DIAPH2: variants seen among roughly 807,000 people sequenced by gnomAD.
DIAPH2 encodes the protein protein diaphanous homolog 2.
In DIAPH2, 35 loss-of-function variants were observed where a neutral mutation model predicts 92.7. That is an observed-to-expected ratio of 0.38 (90% CI 0.29 to 0.50). The LOEUF (loss-of-function observed/expected upper bound fraction) is 0.50. Ranked by LOEUF, DIAPH2 falls within the 20% of genes least tolerant of loss-of-function variation. The pLI, the probability that DIAPH2 is intolerant of heterozygous loss-of-function variation, is 0.94. For synonymous variants in DIAPH2, 301 were observed against 280.4 expected (o/e 1.07, Z -0.73); for missense variants, 701 against 819.5 (o/e 0.86, Z 1.77).
intron 4 of DIAPH2, among the ~76,000 whole-genome samples, chrX:96,812,071 A>T (rs1172471470): frequency 2.7e-5 from 3 of 111,702 alleles, no homozygotes; most frequent in African/African-American, 9.8e-5. Flanking sequence ...GTTTCTATTG[A>T]TTGGAATAGT....
intron 14 of DIAPH2, among the ~76,000 whole-genome samples, chrX:96,948,054 G>GA (rs2065749071): frequency 8.9e-6 from 1 of 111,852 alleles, no homozygotes; most frequent in Admixed American, 9.4e-5. Context: ...TTAACCATCT[G>GA]AATGAGACTG....
chrX:97,289,728 T>C (rs777528119), intron 23 of DIAPH2, among the ~76,000 whole-genome samples: 1 of 110,364 alleles, frequency 9.1e-6, no homozygotes, highest in Admixed American at 9.8e-5. Context: ...TTTTTTTTTT[T>C]TTGGTTTGTT....
At chrX:96,970,494 A>G (rs1478760199) in intron 17 of DIAPH2, among the ~76,000 whole-genome samples, 1 of 111,128 alleles carries the variant, frequency 9.0e-6, no homozygotes, top group Non-Finnish European at 1.9e-5. Context: ...CCAGGAATTT[A>G]TCTATCTCCT....
chrX:97,415,014 A>G (rs1428279589), intron 25 of DIAPH2, among the ~76,000 whole-genome samples: 1 of 111,903 alleles, frequency 8.9e-6, no homozygotes, highest in Non-Finnish European at 1.9e-5. Context: ...TTACAAGAAA[A>G]AAACAACCCC....
intron 4 of DIAPH2, among the ~76,000 whole-genome samples, chrX:96,876,080 C>G (rs1054678704): frequency 8.9e-6 from 1 of 111,738 alleles, no homozygotes; most frequent in Non-Finnish European, 1.9e-5. Flanking sequence ...AAAAACAACT[C>G]CATCAACAAG....
intron 26 of DIAPH2, among the ~76,000 whole-genome samples, chrX:97,500,214 C>T (rs1300798998): frequency 3.6e-5 from 4 of 111,440 alleles, no homozygotes; most frequent in Non-Finnish European, 7.5e-5. Flanking sequence ...CTATTACAGC[C>T]CAACACAGCT....
At chrX:97,586,403 A>G (rs748132526) in intron 26 of DIAPH2, among the ~76,000 whole-genome samples, 8 of 111,322 alleles carry the variant, frequency 7.2e-5, no homozygotes, top group Admixed American at 1.9e-4. Context: ...TACATGTCCA[A>G]TGAATCCCTA....
At chrX:97,176,550 C>T (rs1399704108) in intron 22 of DIAPH2, among the ~76,000 whole-genome samples, 5 of 110,094 alleles carry the variant, frequency 4.5e-5, no homozygotes, top group South Asian at 3.9e-4. Context: ...TTTTTTGAGA[C>T]GGAGTCTTGC....
intron 23 of DIAPH2, among the ~76,000 whole-genome samples, chrX:97,301,773 C>T (rs137873327): frequency 3.6e-5 from 4 of 111,400 alleles, no homozygotes; most frequent in African/African-American, 1.3e-4. Flanking sequence ...TACATTCTTG[C>T]GCCAGCTCCT....
intron 25 of DIAPH2, among the ~76,000 whole-genome samples, chrX:97,425,361 G>C (rs559265075): frequency 8.9e-6 from 1 of 111,969 alleles, no homozygotes; most frequent in Non-Finnish European, 1.9e-5. Flanking sequence ...GGTAACAGTA[G>C]TTAATAACAA....
Position 97,559,421 on chromosome X carries a change from C to T in DIAPH2, c.3242-39832C>T, listed in dbSNP as rs540790637. Among the ~76,000 whole-genome samples the T allele has an allele frequency of 3.8e-5, 4 of 105,729 alleles. No individual in the cohort carries two copies. The South Asian group carries it at 1.3e-3, about 35-fold the overall frequency. The allele number at this position is 105,729 out of a possible 115,157, so 91.8% of individuals were successfully genotyped here. ...AGAAAAATCGCTTGAATCCAGGAGG[C>T]GGAGGTTACAGTGAGCTGAGATCAT... On this transcript the variant is annotated intron_variant, in intron 26 of 26. Coordinates refer to ENST00000324765, the MANE Select transcript of DIAPH2 (RefSeq NM_006729.5).
chrX:97,399,211 GGTTTTGTTT>G (rs1277318244), intron 25 of DIAPH2, among the ~76,000 whole-genome samples: 2 of 110,935 alleles, frequency 1.8e-5, no homozygotes, highest in African/African-American at 6.5e-5. Flanking sequence ...CCATATGCCA[GGTTTTGTTT>G]GTTTTGTTTG....
intron 24 of DIAPH2, among the ~76,000 whole-genome samples, chrX:97,356,370 A>G (rs779592963): frequency 2.7e-5 from 3 of 110,960 alleles, no homozygotes; most frequent in Non-Finnish European, 3.8e-5. Context: ...GGGCCCACCA[A>G]CTCTCTCTAG....
intron 9 of DIAPH2, among the ~76,000 whole-genome samples, chrX:96,920,929 T>C (rs1474159735): frequency 1.8e-5 from 2 of 112,428 alleles, no homozygotes; most frequent in Non-Finnish European, 3.8e-5. Context: ...GAAGTGAGTT[T>C]GTTTATTTAG....
chrX:97,579,248 T>C (rs1410541985), intron 26 of DIAPH2, among the ~76,000 whole-genome samples: 3 of 110,573 alleles, frequency 2.7e-5, no homozygotes, highest in African/African-American at 3.3e-5. Context: ...TCCTTGCCCA[T>C]GCCTATGTCC....
intron 17 of DIAPH2, among the ~76,000 whole-genome samples, chrX:96,976,430 C>T (rs1329527611): frequency 9.0e-6 from 1 of 111,064 alleles, no homozygotes; most frequent in Non-Finnish European, 1.9e-5. Context: ...CCCATAATTT[C>T]ATCATTTTAA....
chrX:97,518,368 G>A (rs929189871), intron 26 of DIAPH2, among the ~76,000 whole-genome samples: 1 of 111,127 alleles, frequency 9.0e-6, no homozygotes, highest in Non-Finnish European at 1.9e-5. Flanking sequence ...AAGTAATAGC[G>A]TAGGATTATG....
At chrX:97,219,183 C>T (rs998162890) in intron 22 of DIAPH2, among the ~76,000 whole-genome samples, 2 of 112,365 alleles carry the variant, frequency 1.8e-5, no homozygotes, top group Admixed American at 1.9e-4. Flanking sequence ...GCACATTCCT[C>T]TGAAAGCAAG....
chrX:97,399,981 A>G (rs1438091498), intron 25 of DIAPH2, among the ~76,000 whole-genome samples: 2 of 112,237 alleles, frequency 1.8e-5, no homozygotes, highest in African/African-American at 3.2e-5. Flanking sequence ...TTTTATTTTC[A>G]CTGATATTAA....
Sources: allele counts gnomAD v4.1 joint callset (sites outside exome capture counted in the v4.1 genomes callset), GRCh38; gene constraint gnomAD v4.1.1; transcripts MANE v1.5; gene names NCBI Gene and HGNC (gene_info 2026-07-23, HGNC 2026-07-21).